The following MGAT4C variants were observed in gnomAD, a reference collection of about 807,000 sequenced individuals.
MGAT4C encodes MGAT4 family member C, also known as alpha-1,3-mannosyl-glycoprotein 4-beta-N-acetylglucosaminyltransferase C.
MGAT4C carries 19 observed loss-of-function variants against 40.1 expected under a neutral mutation model. The ratio of observed to expected loss-of-function variants is 0.47; its 90% CI spans 0.33 to 0.70. The LOEUF (loss-of-function observed/expected upper bound fraction) is 0.70, where lower values mean the gene tolerates loss of function less well. Among genes scored for constraint, MGAT4C ranks in the 30% least tolerant of loss-of-function variants. The pLI, the probability that MGAT4C is intolerant of heterozygous loss-of-function variation, is 0.02. For synonymous variants in MGAT4C, 181 were observed against 187.1 expected (o/e 0.97, Z 0.27); for missense variants, 491 against 563.2 (o/e 0.87, Z 1.30).
chr12:86,362,772 C>A (rs1955507274), intron 3 of MGAT4C, among the ~76,000 whole-genome samples: 1 of 146,416 alleles, frequency 6.8e-6, no homozygotes, highest in Non-Finnish European at 1.5e-5. Context: ...GAGGCTGAGG[C>A]AGGAGAGTGG....
intron 3 of MGAT4C, among the ~76,000 whole-genome samples, chr12:86,390,929 G>A (rs912960092): frequency 1.3e-5 from 2 of 152,010 alleles, no homozygotes; most frequent in African/African-American, 4.8e-5. Context: ...TCTACAACCC[G>A]TATCCTACTC....
chr12:86,287,471 C>A (rs1399466958), intron 4 of MGAT4C, among the ~76,000 whole-genome samples: 1 of 152,022 alleles, frequency 6.6e-6, no homozygotes, highest in African/African-American at 2.4e-5. Flanking sequence ...CTATCAACTA[C>A]ATTAGGTATT....
chr12:85,989,420 T>C lies in MGAT4C; in HGVS notation c.127A>G (p.Ile43Val). ...CTTACCAGAACATAGCTATCTTCAA[T>C]GTACAAGTTCATAAAAAGGAGAAAA... Reference protein sequence around the residue: ...VIFLLFMNLYIEDSYVLEGDK... With the variant: ...VIFLLFMNLYVEDSYVLEGDK... The change falls in exon 3 of 5, where the codon ATT becomes GTT. Residue 43 changes from isoleucine (I) to valine (V), a missense_variant. Ile to Val is a conservative substitution (Grantham distance 29). Coordinates refer to ENST00000611864, the MANE Select transcript of MGAT4C (RefSeq NM_001351288.2). 4 of 1,603,998 alleles carry C rather than the reference T, an allele frequency of 2.5e-6. No homozygotes were observed. Among genetic ancestry groups the C allele is most frequent in the Non-Finnish European group, 3.4e-6 (4 of 1,175,920 alleles).
At chr12:86,323,625 C>A (rs577947871) in intron 4 of MGAT4C, among the ~76,000 whole-genome samples, 1 of 151,746 alleles carries the variant, frequency 6.6e-6, no homozygotes, top group South Asian at 2.1e-4. Flanking sequence ...TTCACAGCAG[C>A]AAAACAATAT....
chr12:86,235,068 A>G (rs548789777), intron 1 of MGAT4C, among the ~76,000 whole-genome samples: 2 of 152,184 alleles, frequency 1.3e-5, no homozygotes, highest in African/African-American at 4.8e-5. Context: ...AAAACAAACA[A>G]AACCTCTCTT....
intron 1 of MGAT4C, among the ~76,000 whole-genome samples, chr12:86,837,472 T>C (rs2406444): frequency 0.64 from 96,865 of 151,810 alleles, 32,171 homozygotes; most frequent in Admixed American, 0.72. Flanking sequence ...TTGTGAAGCT[T>C]AGCCACCACT....
intron 2 of MGAT4C, among the ~76,000 whole-genome samples, chr12:86,561,107 C>T (rs1959843556): frequency 6.6e-6 from 1 of 152,076 alleles, no homozygotes; most frequent in Admixed American, 6.6e-5. Context: ...ATCAGAGATA[C>T]CTCATGCTCA....
chr12:86,072,619 T>C (rs555430573), intron 1 of MGAT4C, among the ~76,000 whole-genome samples: 23 of 152,104 alleles, frequency 1.5e-4, no homozygotes, highest in African/African-American at 4.8e-4. Flanking sequence ...GATCTTTGGA[T>C]AGATGGATAG....
chr12:85,998,706 C>T (rs562622999), intron 2 of MGAT4C, among the ~76,000 whole-genome samples: 7 of 152,204 alleles, frequency 4.6e-5, no homozygotes, highest in Non-Finnish European at 1.0e-4. Flanking sequence ...TCTTCTCCAT[C>T]TGAGACCATC....
chr12:86,081,108 GT>G (rs1252123799), intron 1 of MGAT4C, among the ~76,000 whole-genome samples: 1 of 152,076 alleles, frequency 6.6e-6, no homozygotes, highest in Non-Finnish European at 1.5e-5. Context: ...TTTTAACATA[GT>G]TTTAGCATTC....
chr12:86,233,694 A>G (rs1592530294), intron 1 of MGAT4C, among the ~76,000 whole-genome samples: 1 of 152,300 alleles, frequency 6.6e-6, no homozygotes, highest in East Asian at 1.9e-4. Flanking sequence ...CTTTCTAAAT[A>G]GGTATGATAT....
At chr12:86,129,544 CTTTTT>C (rs751908017) in intron 1 of MGAT4C, among the ~76,000 whole-genome samples, 2 of 15,066 alleles carry the variant, frequency 1.3e-4, no homozygotes, top group Non-Finnish European at 1.9e-4. Context: ...CTTACACAAT[CTTTTT>C]TTTTTTTTTT....
intron 1 of MGAT4C, among the ~76,000 whole-genome samples, chr12:86,744,400 A>C (rs1178015207): frequency 6.6e-6 from 1 of 151,592 alleles, no homozygotes; most frequent in Non-Finnish European, 1.5e-5. Context: ...AATGGTAAAC[A>C]GAGTGTATGT....
In MGAT4C at chr12:86,820,684, G is replaced by A. The variant is rs967562493; in HGVS notation, c.-262+17982C>T. 2.0e-5 allele frequency among the ~76,000 whole-genome samples: 3 copies of A among 150,652 alleles called. No individual in the cohort carries two copies. In the Admixed American group the frequency reaches 2.0e-4, roughly 10 times the overall value. ...AAAGTGATACATAGATTTTTCAAAG[G>A]TTCCACTACAGATTGGTTTATAAGA... On this transcript the variant is annotated intron_variant, in intron 1 of 7. Transcript: ENST00000548651.
intron 1 of MGAT4C, among the ~76,000 whole-genome samples, chr12:86,776,288 G>T (rs980699002): frequency 6.6e-6 from 1 of 151,820 alleles, no homozygotes; most frequent in African/African-American, 2.4e-5. Context: ...TGAATATATT[G>T]CATTTGAGTA....
chr12:86,157,007 G>T (rs1440137438), intron 1 of MGAT4C, among the ~76,000 whole-genome samples: 1 of 151,828 alleles, frequency 6.6e-6, no homozygotes, highest in African/African-American at 2.4e-5. Context: ...CCTGGATACT[G>T]CAGAAATATT....
At chr12:86,451,085 A>G (rs149509255) in intron 2 of MGAT4C, among the ~76,000 whole-genome samples, 45 of 152,232 alleles carry the variant, frequency 3.0e-4, no homozygotes, top group African/African-American at 1.0e-3. Flanking sequence ...GTAATCGCCA[A>G]TGTTGGAGGT....
At chr12:86,778,573 T>C (rs1395942998) in intron 1 of MGAT4C, among the ~76,000 whole-genome samples, 1 of 152,166 alleles carries the variant, frequency 6.6e-6, no homozygotes, top group Non-Finnish European at 1.5e-5. Context: ...CTGCTAAGCT[T>C]GCAAATGACA....
intron 2 of MGAT4C, among the ~76,000 whole-genome samples, chr12:86,716,475 G>T (rs1950646685): frequency 6.6e-6 from 1 of 151,976 alleles, no homozygotes; most frequent in Admixed American, 6.6e-5. Flanking sequence ...TTGCAAAAAA[G>T]ATAGTAACTT....
Sources: gnomAD v4.1 joint callset for allele counts (sites outside exome capture counted in the v4.1 genomes callset) on GRCh38, gnomAD v4.1.1 for gene constraint, MANE v1.5 for transcripts, NCBI Gene and HGNC (gene_info 2026-07-23, HGNC 2026-07-21) for gene names.